QSOX1: variants seen among roughly 807,000 people sequenced by gnomAD.
QSOX1 encodes the protein sulfhydryl oxidase 1.
Under a neutral mutation model 76.1 loss-of-function variants are expected in QSOX1, and 40 were observed. The ratio of observed to expected loss-of-function variants is 0.53; its 90% CI spans 0.41 to 0.68. QSOX1 has a LOEUF of 0.68. QSOX1 is among the 30% of genes least tolerant of loss of function. The probability of loss-of-function intolerance (pLI) is 0.00; values close to 1 mark genes in which losing one functional copy is unlikely to be tolerated. For synonymous variants in QSOX1, 392 were observed against 413.1 expected, an observed-to-expected ratio of 0.95 and a Z score of 0.62; for missense variants, 931 against 974.3, an observed-to-expected ratio of 0.96 and a Z score of 0.59.
rs866266545 is a variant in QSOX1 at position 180,196,947 on chromosome 1, C to T, written c.2154C>T (p.Ser718=). 3 of 1,609,010 alleles carry T rather than the reference C, an allele frequency of 1.9e-6. No individual in the cohort carries two copies. The highest frequency in any genetic ancestry group is 2.5e-6 in the Non-Finnish European group (3 of 1,176,932). The stretch of plus-strand genomic sequence containing the variant: ...TCAGCCTCTGTGTGGGGCTCTATTC[C>T]CTGTCCTTCATGGGCCTGCTGGCCA... ...LDISLCVGLY[S]LSFMGLLAMY... Residue 718 remains serine, a synonymous_variant, in exon 12 of 12, where the codon TCC becomes TCT. Coordinates refer to ENST00000367602, the MANE Select transcript of QSOX1 (RefSeq NM_002826.5). The surrounding 1 kb of genome is among the most constrained non-coding windows in gnomAD (Gnocchi z 4.1).
At chr1:180,184,861 G>A (rs972712213) in intron 7 of QSOX1, among the ~76,000 whole-genome samples, 1 of 152,200 alleles carries the variant, frequency 6.6e-6, no homozygotes, top group African/African-American at 2.4e-5. Flanking sequence ...GAGACTTTTA[G>A]TAGATCAAGG....
intron 5 of QSOX1, among the ~76,000 whole-genome samples, chr1:180,179,928 A>G (rs901888546): frequency 2.0e-5 from 3 of 152,206 alleles, no homozygotes; most frequent in Admixed American, 6.5e-5. Context: ...CCTGTTATGT[A>G]GAGGTGATAA....
intron 5 of QSOX1, among the ~76,000 whole-genome samples, chr1:180,181,748 G>A (rs1421255845): frequency 6.6e-6 from 1 of 152,132 alleles, no homozygotes; most frequent in African/African-American, 2.4e-5. Context: ...AAGGCCCTGG[G>A]GAATCCTGGA....
At chr1:180,189,432 C>A in intron 8 of QSOX1, 120 bp from the exon 9 acceptor site, 1 of 286,706 alleles carries the variant, frequency 3.5e-6, no homozygotes, top group East Asian at 7.4e-5. Flanking sequence ...ACAACCTCCT[C>A]CCCACTGCCC....
intron 1 of QSOX1, among the ~76,000 whole-genome samples, chr1:180,159,223 A>G (rs924897315): frequency 6.6e-6 from 1 of 152,242 alleles, no homozygotes; most frequent in African/African-American, 2.4e-5. Context: ...TACGCTGTTC[A>G]GAGCAATAAT....
chr1:180,168,400 C>T (rs1221996879), intron 2 of QSOX1, among the ~76,000 whole-genome samples: 1 of 152,268 alleles, frequency 6.6e-6, no homozygotes, highest in Non-Finnish European at 1.5e-5. Flanking sequence ...AAAGCCTTTC[C>T]TGCCTCTCCT....
At chr1:180,194,998 G>GGGGGA (rs1553275519) in intron 11 of QSOX1, among the ~76,000 whole-genome samples, 3 of 147,016 alleles carry the variant, frequency 2.0e-5, no homozygotes, top group African/African-American at 7.4e-5. Context: ...CAGCCTCCCG[G>GGGGGA]GGGGGGGAGA....
chr1:180,183,378 AAAAGACCGT>A (rs1406174076), intron 6 of QSOX1, among the ~76,000 whole-genome samples: 8 of 152,182 alleles, frequency 5.3e-5, no homozygotes, highest in African/African-American at 1.9e-4. Flanking sequence ...AAAGAAACCA[AAAAGACCGT>A]AAAAAGATTT....
Position 180,175,917 on chromosome 1 carries a change from G to A in QSOX1, c.413-14G>A, listed in dbSNP as rs752601793. 6.3e-7 allele frequency: 1 copy of A among 1,575,918 alleles called. No individual in the cohort carries two copies. Among genetic ancestry groups the A allele is most frequent in the South Asian group, 1.2e-5 (1 of 86,116 alleles). On this transcript the variant is annotated splice_polypyrimidine_tract_variant and intron_variant, in intron 3 of 11. Coordinates refer to ENST00000367602, the MANE Select transcript of QSOX1 (RefSeq NM_002826.5). ...CTCTCCTGACACTCCGCTCACGCCT[G>A]TTTTCATTTACAGTGGCTGGTGCTG...
At chr1:180,192,554 A>T (rs1663344120) in intron 10 of QSOX1, among the ~76,000 whole-genome samples, 1 of 152,070 alleles carries the variant, frequency 6.6e-6, no homozygotes, top group South Asian at 2.1e-4. Flanking sequence ...TTAAAGGCAG[A>T]GCTGAGGGAC....
Position 180,197,169 on chromosome 1 carries a change from T to TG in QSOX1, c.*133dup, listed in dbSNP as rs1414025339. 1 of 1,520,376 alleles carries TG rather than the reference T, an allele frequency of 6.6e-7. No individual in the cohort carries two copies. Among genetic ancestry groups the TG allele is most frequent in the Non-Finnish European group, 8.8e-7 (1 of 1,138,574 alleles). 94.2% of individuals were successfully genotyped at this position (1,520,376 alleles called of 1,614,324 possible). A position where few individuals can be genotyped will look rare whatever the true frequency, so the allele number is the denominator to read the frequency against. ...GTGTGGGAAATTCAGGAAAACGAGT[T>TG]GCTCCAGTGAAGCTTCTTGGGGTTG... On this transcript the variant is annotated 3_prime_UTR_variant, in exon 12 of 12. Transcript: ENST00000367602.
At chr1:180,155,255 G>A in intron 1 of QSOX1, 83 bp downstream of exon 1, 6 of 1,276,716 alleles carry the variant, frequency 4.7e-6, no homozygotes, top group South Asian at 1.7e-5. Flanking sequence ...CCTACTCCGG[G>A]AGCGCGTCCC....
intron 10 of QSOX1, among the ~76,000 whole-genome samples, chr1:180,191,589 A>C (rs1011898322): frequency 4.6e-5 from 7 of 152,262 alleles, no homozygotes; most frequent in African/African-American, 7.2e-5. Flanking sequence ...CCCTGCCCCC[A>C]CAGGGCCAGT....
Position 180,203,052 on chromosome 1 carries a change from CAGAGCG to C in QSOX1, c.*6019_*6024del, listed in dbSNP as rs908125962. 4.6e-5 allele frequency: 7 copies of C among 150,908 alleles called. No individual in the cohort carries two copies. Among genetic ancestry groups the C allele is most frequent in the African/African-American group, 1.7e-4 (7 of 41,000 alleles). The allele number at this position is 150,908 out of a possible 1,614,324, so 9.3% of individuals were successfully genotyped here. On this transcript the variant is annotated 3_prime_UTR_variant, in exon 12 of 12. Coordinates refer to ENST00000367602, the MANE Select transcript of QSOX1 (RefSeq NM_002826.5). ...CGCCATTGCACTCCAGCCTGGGGGA[CAGAGCG>C]AGACTCTGTCTCAAAAAAATAAAAA...
rs774714047 is a variant in QSOX1 at position 180,182,221 on chromosome 1, G to A, written c.654G>A (p.Val218=). 1 of 1,614,234 alleles carries A rather than the reference G, an allele frequency of 6.2e-7. No individual in the cohort carries two copies. Among genetic ancestry groups the A allele is most frequent in the Non-Finnish European group, 8.5e-7 (1 of 1,180,038 alleles). The change falls in exon 6 of 12, where the codon GTG becomes GTA. Residue 218 remains valine, a synonymous_variant. Transcript: ENST00000367602. ...SQHKGVAVRR[V]LNTEANVVRK... ...ACAAAGGCGTGGCGGTGCGCAGGGT[G>A]CTGAACACAGAGGCCAATGTGGTGA... is the stretch of plus-strand genomic sequence containing the variant.
Position 180,175,313 on chromosome 1 carries a change from G to T in QSOX1, c.367-8G>T, listed in dbSNP as rs753820912. The T allele has an allele frequency of 6.2e-7, 1 of 1,614,088 alleles. No homozygotes were observed. Among genetic ancestry groups the T allele is most frequent in the Admixed American group, 1.7e-5 (1 of 60,030 alleles). On this transcript the variant is annotated splice_region_variant and splice_polypyrimidine_tract_variant and intron_variant, in intron 2 of 11. Coordinates refer to ENST00000367602, the MANE Select transcript of QSOX1 (RefSeq NM_002826.5). ...ATTACTGATGCCCACCTGTGTGTTT[G>T]CTTCCAGTTCTTCAAGGCCTTTACC...
chr1:180,194,417 T>C (rs141418554), intron 11 of QSOX1, 25 bp downstream of exon 11: 2 of 1,510,536 alleles, frequency 1.3e-6, no homozygotes, highest in African/African-American at 2.8e-5. Context: ...TCCCCAAGGC[T>C]GGAGTCACTT....
chr1:180,167,064 A>AC (rs1201256326), intron 2 of QSOX1, among the ~76,000 whole-genome samples: 1 of 152,014 alleles, frequency 6.6e-6, no homozygotes, highest in African/African-American at 2.4e-5. Context: ...GGGCTTTGTC[A>AC]CCCCCGCTCT....
rs1336608422 is a variant in QSOX1 at position 180,202,520 on chromosome 1, C to G, written c.*5483C>G. ...ATGTCCCCATCAAGTTCTTAACCAT[C>G]CCGGGTTCCAATGGTTACAGAGTTC... On this transcript the variant is annotated 3_prime_UTR_variant, in exon 12 of 12. Transcript: ENST00000367602. 6.6e-6 allele frequency: 1 copy of G among 152,084 alleles called. No homozygotes were observed. Among genetic ancestry groups the G allele is most frequent in the Non-Finnish European group, 1.5e-5 (1 of 68,006 alleles). The allele number at this position is 152,084 out of a possible 1,614,324, so 9.4% of individuals were successfully genotyped here. A position where few individuals can be genotyped will look rare whatever the true frequency, so the allele number is the denominator to read the frequency against.
Sources: allele counts gnomAD v4.1 joint callset (sites outside exome capture counted in the v4.1 genomes callset), GRCh38; gene constraint gnomAD v4.1.1; non-coding constraint Gnocchi (gnomAD v3.1); transcripts MANE v1.5; gene names NCBI Gene and HGNC (gene_info 2026-07-23, HGNC 2026-07-21).